Variants in SORL1 observed in about 807,000 individuals in gnomAD.
SORL1 encodes sortilin related receptor 1.
SORL1 carries 127 observed loss-of-function variants against 273.7 expected under a neutral mutation model. That is an observed-to-expected ratio of 0.46 (90% confidence interval 0.40 to 0.54). SORL1 has a LOEUF of 0.54. SORL1 is among the 20% of genes least tolerant of loss of function. The pLI, the probability that SORL1 is intolerant of heterozygous loss-of-function variation, is 0.00. For missense variants in SORL1, 2,494 were observed against 2,846.1 expected (o/e 0.88, Z 2.81); for synonymous variants, 1,031 against 1,067.4 (o/e 0.97, Z 0.66).
intron 6 of SORL1, among the ~76,000 whole-genome samples, chr11:121,506,246 A>T (rs1346651639): frequency 1.3e-5 from 2 of 152,104 alleles, no homozygotes; most frequent in South Asian, 2.1e-4. Context: ...TATTTTGCCT[A>T]TTATTATAGC....
At position 121,631,162 on chromosome 11, in the gene SORL1, C is replaced by A. The variant is rs1395823318; in HGVS notation, c.*1599C>A. 6.6e-6 allele frequency: 1 copy of A among 152,210 alleles called. No homozygotes were observed. Among genetic ancestry groups the A allele is most frequent in the African/African-American group, 2.4e-5 (1 of 41,436 alleles). 9.4% of individuals were successfully genotyped at this position (152,210 alleles called of 1,614,324 possible). A position where few individuals can be genotyped will look rare whatever the true frequency, so the allele number is the denominator to read the frequency against. The stretch of plus-strand genomic sequence containing the variant: ...TGGGTGATAATATAGTTTCATTCTA[C>A]TTAGGGATTGTTTAGAAAACAAAGA... On this transcript the variant is annotated 3_prime_UTR_variant, in exon 48 of 48. Coordinates refer to ENST00000260197, the MANE Select transcript of SORL1 (RefSeq NM_003105.6).
chr11:121,558,507 G>A (rs891169561), intron 19 of SORL1, 84 bp from the exon 20 acceptor site: 1 of 1,467,658 alleles, frequency 6.8e-7, no homozygotes, highest in Non-Finnish European at 9.4e-7. Flanking sequence ...TTCGAAAGGA[G>A]TTTCTGACCT....
intron 43 of SORL1, among the ~76,000 whole-genome samples, chr11:121,620,759 T>C (rs543000029): frequency 5.6e-4 from 86 of 152,368 alleles, no homozygotes; most frequent in Non-Finnish European, 7.1e-4. Context: ...AGTTGAGTAC[T>C]GAGTTTGGAT....
chr11:121,467,036 T>C (rs975893695), intron 1 of SORL1, among the ~76,000 whole-genome samples: 7 of 146,598 alleles, frequency 4.8e-5, no homozygotes, highest in East Asian at 2.0e-4. Context: ...TTTTCTTTTT[T>C]TTTTTTTTTT....
chr11:121,515,420 C>G (rs1007952851), intron 8 of SORL1, among the ~76,000 whole-genome samples: 6 of 152,066 alleles, frequency 3.9e-5, no homozygotes, highest in African/African-American at 1.4e-4. Context: ...AGGGAAGGAA[C>G]CAGGCAGACC....
chr11:121,586,950 G>A (rs1443865461), intron 27 of SORL1, among the ~76,000 whole-genome samples: 4 of 152,168 alleles, frequency 2.6e-5, no homozygotes, highest in Non-Finnish European at 5.9e-5. Flanking sequence ...CGGGTTGAGA[G>A]CTAATGTTAT....
chr11:121,618,477 C>T (rs980837068), intron 41 of SORL1, among the ~76,000 whole-genome samples: 1 of 152,136 alleles, frequency 6.6e-6, no homozygotes, highest in African/African-American at 2.4e-5. Context: ...TAGCATCTAA[C>T]ACTCTATGTT....
At chr11:121,548,224 G>A (rs1374741861) in intron 14 of SORL1, among the ~76,000 whole-genome samples, 1 of 152,172 alleles carries the variant, frequency 6.6e-6, no homozygotes, top group Non-Finnish European at 1.5e-5. Flanking sequence ...TTTGGGAGGG[G>A]AAGAATCTAG....
intron 2 of SORL1, 121 bp downstream of exon 2, chr11:121,470,244 A>G (rs1313765895): frequency 1.3e-6 from 1 of 743,478 alleles, no homozygotes; most frequent in Non-Finnish European, 2.5e-6. Flanking sequence ...GATGAATTGT[A>G]TGACAGGGAA....
intron 6 of SORL1, among the ~76,000 whole-genome samples, chr11:121,500,882 A>T (rs1861699060): frequency 6.6e-6 from 1 of 152,220 alleles, no homozygotes; most frequent in Admixed American, 6.5e-5. Context: ...TATTTTCATG[A>T]TTCTGACTAA....
chr11:121,557,646 C>T (rs1012626554), intron 19 of SORL1, among the ~76,000 whole-genome samples: 3 of 152,164 alleles, frequency 2.0e-5, no homozygotes, highest in South Asian at 2.1e-4. Context: ...TGGGTTGTTT[C>T]TCTAGAAAAG....
intron 11 of SORL1, among the ~76,000 whole-genome samples, chr11:121,523,813 G>A (rs978961416): frequency 2.8e-4 from 42 of 152,276 alleles, no homozygotes; most frequent in African/African-American, 9.1e-4. Flanking sequence ...GGAACAGCAC[G>A]TCGGGAGTGA....
chr11:121,479,915 T>C (rs1268746463), intron 3 of SORL1, among the ~76,000 whole-genome samples: 1 of 152,114 alleles, frequency 6.6e-6, no homozygotes, highest in African/African-American at 2.4e-5. Flanking sequence ...GGAGAAGGTG[T>C]TGGAGGGAAT....
intron 47 of SORL1, chr11:121,628,834 A>G (rs1863835652): frequency 6.6e-6 from 1 of 152,282 alleles, no homozygotes; most frequent in African/African-American, 2.4e-5. Context: ...TTCACTGATC[A>G]TATGATGTTA....
chr11:121,598,857 T>A (rs1020802172), intron 32 of SORL1, among the ~76,000 whole-genome samples: 2 of 152,212 alleles, frequency 1.3e-5, no homozygotes, highest in African/African-American at 4.8e-5. Flanking sequence ...CGTCCTTTCC[T>A]CTCCAGGAAT....
chr11:121,462,255 CCTGGCCACA>C (rs1206473470), intron 1 of SORL1, among the ~76,000 whole-genome samples: 2 of 152,140 alleles, frequency 1.3e-5, no homozygotes, highest in African/African-American at 4.8e-5. Context: ...TCCACTTTCT[CCTGGCCACA>C]CTGATCTTGT....
At position 121,627,615 on chromosome 11, in the gene SORL1, C is replaced by T; in HGVS notation, c.6425C>T (p.Pro2142Leu). ...ACGGATGTTGCTGCTGTGGTGGTGC[C>T]CATCTTATTCCTGATACTGCTGAGC... is the stretch of plus-strand genomic sequence containing the variant. ...RSTDVAAVVV[P>L]ILFLILLSLG... The change falls in exon 47 of 48, where the codon CCC (proline) becomes CTC (leucine). Residue 2142 changes from proline (P) to leucine (L), a missense_variant. By Grantham distance (98) the Pro-to-Leu change is moderately conservative (BLOSUM62 -3). This residue lies in a region of SORL1 where 1,609 missense variants were observed against 1,816.4 expected (regional missense o/e 0.89). Transcript: ENST00000260197. This position sits in a 1 kb window ranked among gnomAD's most constrained non-coding sequence, Gnocchi z 4.9. 2.5e-6 allele frequency: 4 copies of T among 1,614,148 alleles called. No individual in the cohort carries two copies. Among genetic ancestry groups the T allele is most frequent in the Non-Finnish European group, 3.4e-6 (4 of 1,180,010 alleles).
chr11:121,512,488 A>C (rs1040647180), intron 6 of SORL1, among the ~76,000 whole-genome samples: 2 of 152,226 alleles, frequency 1.3e-5, no homozygotes, highest in Non-Finnish European at 2.9e-5. Context: ...GAAAACCAGA[A>C]TCAATGAAGA....
chr11:121,549,507 G>A (rs1159886703), intron 14 of SORL1, among the ~76,000 whole-genome samples: 2 of 152,146 alleles, frequency 1.3e-5, no homozygotes, highest in African/African-American at 2.4e-5. Context: ...GATTACAGGC[G>A]TGAACCACCA....
Sources: allele counts gnomAD v4.1 joint callset (sites outside exome capture counted in the v4.1 genomes callset), GRCh38; gene constraint gnomAD v4.1.1; regional missense constraint gnomAD v4.1.1; non-coding constraint Gnocchi (gnomAD v3.1); transcripts MANE v1.5; gene names NCBI Gene and HGNC (gene_info 2026-07-23, HGNC 2026-07-21).